Variants in TSNARE1 observed in about 807,000 individuals in gnomAD.
The protein encoded by TSNARE1 is t-SNARE domain-containing protein 1.
TSNARE1 carries 49 observed loss-of-function variants against 62.0 expected under a neutral mutation model. That is an observed-to-expected ratio of 0.79 (90% CI 0.63 to 1.00). The LOEUF is 1.00. Among genes scored for constraint, TSNARE1 ranks in the 50% least tolerant of loss-of-function variants. The probability of loss-of-function intolerance (pLI) is 0.00; values close to 1 mark genes in which losing one functional copy is unlikely to be tolerated. For missense variants in TSNARE1, 755 were observed against 700.1 expected (o/e 1.08, Z -0.88); for synonymous variants, 328 against 294.4 (o/e 1.11, Z -1.17).
chr8:142,261,032 G>GGAGGGAAGCAGGAGGGAAGGAGA (rs1563786772), intron 12 of TSNARE1, among the ~76,000 whole-genome samples: 3 of 111,744 alleles, frequency 2.7e-5, no homozygotes, highest in African/African-American at 3.5e-5. Flanking sequence ...AGGGAGGAGA[G>GGAGGGAAGCAGGAGGGAAGGAGA]AAAGAGGAGG....
At chr8:142,328,625 A>G (rs1830577729) in intron 6 of TSNARE1, among the ~76,000 whole-genome samples, 1 of 152,216 alleles carries the variant, frequency 6.6e-6, no homozygotes, top group African/African-American at 2.4e-5. Flanking sequence ...GCATCAAGGA[A>G]TGAGCATTTC....
At chr8:142,392,033 C>CT (rs1564015586) in intron 1 of TSNARE1, among the ~76,000 whole-genome samples, 1 of 152,120 alleles carries the variant, frequency 6.6e-6, no homozygotes, top group African/African-American at 2.4e-5. Flanking sequence ...TCATTTTTTT[C>CT]TTTTTTTGAG....
At chr8:142,402,510 G>T (rs571539609) in intron 1 of TSNARE1, among the ~76,000 whole-genome samples, 1 of 152,324 alleles carries the variant, frequency 6.6e-6, no homozygotes, top group East Asian at 1.9e-4. Flanking sequence ...GAGTTTCTGC[G>T]GGGGCAGCAC....
chr8:142,255,430 ACC>A (rs1818385273), intron 12 of TSNARE1, among the ~76,000 whole-genome samples: 1 of 101,992 alleles, frequency 9.8e-6, no homozygotes, highest in Admixed American at 1.0e-4. Flanking sequence ...CACCACCACC[ACC>A]ACTGTCACCA....
chr8:142,368,823 T>C lies in TSNARE1; in HGVS notation c.-39-14060A>G, dbSNP rs1288383125. Among the ~76,000 whole-genome samples the C allele has an allele frequency of 2.6e-5, 4 of 152,202 alleles. 1 individual carries two copies. Among genetic ancestry groups the C allele is most frequent in the African/African-American group, 9.7e-5 (4 of 41,438 alleles). On this transcript the variant is annotated intron_variant, in intron 1 of 13. Transcript: ENST00000524325. ...TAAGGGCCGCAATGGCTGAGTGCTG[T>C]GGCCCCAGGGCATTTGTGAACACCC...
At chr8:142,364,616 C>G (rs1237634449) in intron 1 of TSNARE1, among the ~76,000 whole-genome samples, 5 of 152,006 alleles carry the variant, frequency 3.3e-5, no homozygotes. Flanking sequence ...AGGACTATAC[C>G]CAGGAAAGTA....
At chr8:142,236,503 C>T (rs1392227349) in intron 12 of TSNARE1, among the ~76,000 whole-genome samples, 2 of 150,532 alleles carry the variant, frequency 1.3e-5, no homozygotes, top group Non-Finnish European at 3.0e-5. Context: ...AGAAATCCCC[C>T]AAGTTGGCCC....
At chr8:142,360,669 CCAGATCCTGTTTG>C (rs2130862591) in intron 1 of TSNARE1, among the ~76,000 whole-genome samples, 1 of 152,274 alleles carries the variant, frequency 6.6e-6, no homozygotes, top group South Asian at 2.1e-4. Context: ...CTTGCACTGC[CCAGATCCTGTTTG>C]CAGGGCGCCG....
intron 9 of TSNARE1, among the ~76,000 whole-genome samples, chr8:142,303,850 G>A (rs1214698534): frequency 6.6e-6 from 1 of 152,210 alleles, no homozygotes; most frequent in Non-Finnish European, 1.5e-5. Context: ...TGAGGCTGGA[G>A]ACAACAGGAC....
At chr8:142,215,513 C>G (rs1455348565) in intron 13 of TSNARE1, among the ~76,000 whole-genome samples, 1 of 152,136 alleles carries the variant, frequency 6.6e-6, no homozygotes, top group African/African-American at 2.4e-5. Flanking sequence ...CCTTGTCCAC[C>G]ACCACCCCTC....
At chr8:142,315,150 C>T (rs1459304293) in intron 7 of TSNARE1, 58 bp from the exon 8 acceptor site, 1 of 1,562,722 alleles carries the variant, frequency 6.4e-7, no homozygotes, top group African/African-American at 1.4e-5. Context: ...CCAGCAGCCC[C>T]CACCACCCAC....
intron 12 of TSNARE1, among the ~76,000 whole-genome samples, chr8:142,237,889 T>A (rs952665913): frequency 1.3e-5 from 2 of 152,140 alleles, no homozygotes; most frequent in African/African-American, 2.4e-5. Context: ...TGCGTCTGAC[T>A]TAGAGAAGCG....
intron 11 of TSNARE1, chr8:142,276,227 C>G (rs1160991049): frequency 1.0e-6 from 1 of 985,342 alleles, no homozygotes; most frequent in Non-Finnish European, 1.2e-6. Flanking sequence ...TCGGCCGCTC[C>G]TGGAGCAAAG....
At position 142,319,790 on chromosome 8, in the gene TSNARE1, GC is replaced by G; in HGVS notation, c.894-1157del. Reference sequence around the variant, plus strand: ...CTGTGGCACACAGAGGAGTAAGACTGCCCCCCCAGAACAGGCACCCAGCAGG... The same window carrying G: ...CTGTGGCACACAGAGGAGTAAGACTGCCCCCCAGAACAGGCACCCAGCAGG... On this transcript the variant is annotated intron_variant, in intron 6 of 13. Transcript: ENST00000524325. This position sits in a 1 kb window ranked among gnomAD's most constrained non-coding sequence, Gnocchi z 4.9. 6.6e-6 allele frequency among the ~76,000 whole-genome samples: 1 copy of G among 152,190 alleles called. No homozygotes were observed. Among genetic ancestry groups the G allele is most frequent in the Admixed American group, 6.5e-5 (1 of 15,306 alleles).
upstream of TSNARE1, chr8:142,406,765 GGGGT>G (rs1838589192): frequency 6.6e-6 from 1 of 152,238 alleles, no homozygotes. Flanking sequence ...CCAAGGGCAT[GGGGT>G]GTGTGGGAGG....
intron 1 of TSNARE1, among the ~76,000 whole-genome samples, chr8:142,373,620 CCCA>C (rs1836064544): frequency 6.7e-6 from 1 of 150,204 alleles, no homozygotes; most frequent in African/African-American, 2.5e-5. Context: ...CTGTGACGCC[CCCA>C]CCCCCACCCC....
At chr8:142,274,932 C>G (rs555869381) in intron 11 of TSNARE1, 69 bp from the exon 12 acceptor site, 6 of 1,421,866 alleles carry the variant, frequency 4.2e-6, no homozygotes, top group Middle Eastern at 3.6e-4. Flanking sequence ...AGGACACCCC[C>G]CAAAGGCAAG....
chr8:142,229,678 G>T, intron 12 of TSNARE1, 99 bp from the exon 13 acceptor site: 1 of 1,022,522 alleles, frequency 9.8e-7, no homozygotes, highest in Non-Finnish European at 1.5e-6. Flanking sequence ...GGCATGCAGG[G>T]GCTGAGTCCA....
rs890857641 is a variant in TSNARE1 at position 142,226,806 on chromosome 8, C to A, written c.*11+2667G>T. Among the ~76,000 whole-genome samples the A allele has an allele frequency of 5.9e-5, 9 of 152,038 alleles. No homozygotes were observed. The South Asian group carries it at 1.2e-3, about 21-fold the overall frequency. ...CAAGAAGGGCTCCCCATGGCAGGGC[C>A]CTTCCTAGGGCTCAAAGGCCCCTTC... On this transcript the variant is annotated intron_variant, in intron 13 of 13. Transcript: ENST00000524325.
Sources: gnomAD v4.1 joint callset for allele counts (sites outside exome capture counted in the v4.1 genomes callset) on GRCh38, gnomAD v4.1.1 for gene constraint, Gnocchi (gnomAD v3.1) non-coding constraint, MANE v1.5 for transcripts, NCBI Gene and HGNC (gene_info 2026-07-23, HGNC 2026-07-21) for gene names.